EIF3B: variants seen among roughly 807,000 people sequenced by gnomAD.
The protein encoded by EIF3B is eukaryotic translation initiation factor 3 subunit B.
In EIF3B, 10 loss-of-function variants were observed where a neutral mutation model predicts 104.6. The ratio of observed to expected loss-of-function variants is 0.10; its 90% CI spans 0.06 to 0.16. The LOEUF (loss-of-function observed/expected upper bound fraction) is 0.16. EIF3B is among the 10% of genes least tolerant of loss of function. The pLI is 1.00. For missense variants in EIF3B, 1,014 were observed against 1,087.9 expected (o/e 0.93, Z 0.96); for synonymous variants, 542 against 417.2 (o/e 1.30, Z -3.65).
intron 9 of EIF3B, among the ~76,000 whole-genome samples, chr7:2,367,982 G>A (rs560324467): frequency 4.0e-5 from 6 of 151,540 alleles, no homozygotes; most frequent in African/African-American, 1.5e-4. Context: ...AGCTGGGACT[G>A]CAGGTGCCTG....
intron 1 of EIF3B, among the ~76,000 whole-genome samples, chr7:2,355,805 C>T (rs186930740): frequency 2.0e-5 from 3 of 152,188 alleles, no homozygotes; most frequent in East Asian, 1.9e-4. Flanking sequence ...GTCTACGTGT[C>T]CCCAGAGCTG....
intron 1 of EIF3B, among the ~76,000 whole-genome samples, chr7:2,357,678 TTC>T (rs1463629524): frequency 6.6e-6 from 1 of 152,236 alleles, no homozygotes; most frequent in Non-Finnish European, 1.5e-5. Context: ...AATTGTTCTC[TTC>T]TGTTTTTCCT....
In EIF3B at chr7:2,364,519, C is replaced by A; in HGVS notation, c.1147C>A (p.Pro383Thr). The A allele has an allele frequency of 6.2e-7, 1 of 1,612,308 alleles. No homozygotes were observed. Among genetic ancestry groups the A allele is most frequent in the Non-Finnish European group, 8.5e-7 (1 of 1,179,412 alleles). ...AGGGGTTCAGCTTATTGACTTCTCA[C>A]CTTGTGAAAGGTAAGCTGCTAGAAA... ...HQGVQLIDFS[P>T]CERYLVTFSP... Residue 383 changes from proline (P) to threonine (T), a missense_variant, in exon 6 of 19, where the codon CCT (proline) becomes ACT (threonine). Transcript: ENST00000360876.
chr7:2,361,000 C>G, intron 2 of EIF3B, 98 bp downstream of exon 2: 1 of 1,027,370 alleles, frequency 9.7e-7, no homozygotes, highest in East Asian at 2.6e-5. Context: ...CCTGCCTTGC[C>G]CAGGCACGTG....
chr7:2,368,195 T>C (rs543236289), intron 9 of EIF3B, among the ~76,000 whole-genome samples: 5 of 152,076 alleles, frequency 3.3e-5, no homozygotes, highest in African/African-American at 1.2e-4. Context: ...CAGGCTGGAG[T>C]ACAGTGGCGT....
chr7:2,377,216 AG>A (rs1780683559), intron 15 of EIF3B, 141 bp downstream of exon 15: 2 of 1,152,152 alleles, frequency 1.7e-6, no homozygotes, highest in Middle Eastern at 2.0e-4. Flanking sequence ...GAAGAGACGC[AG>A]GAACAGTGAG....
chr7:2,379,120 A>C lies in EIF3B; in HGVS notation c.2233-14A>C, dbSNP rs2115345403. 5.0e-6 allele frequency: 8 copies of C among 1,612,306 alleles called. No individual in the cohort carries two copies. In the South Asian group the frequency reaches 8.8e-5, roughly 18 times the overall value. On this transcript the variant is annotated splice_polypyrimidine_tract_variant and intron_variant, in intron 16 of 18. Transcript: ENST00000360876. ...GTCTTACCAGTTCTGTGCTTTCCCCAACCTCATGCATAGGAATTGGTGGAG... is the reference window on the plus strand; with the variant it reads ...GTCTTACCAGTTCTGTGCTTTCCCCCACCTCATGCATAGGAATTGGTGGAG...
intron 13 of EIF3B, 36 bp downstream of exon 13, chr7:2,374,642 A>G (rs1238268269): frequency 6.3e-7 from 1 of 1,594,850 alleles, no homozygotes; most frequent in South Asian, 1.1e-5. Context: ...CCGCCCTGTG[A>G]GTAGCGCTCT....
chr7:2,376,916 C>T (rs764163767), intron 14 of EIF3B, 34 bp from the exon 15 acceptor site: 7 of 1,600,492 alleles, frequency 4.4e-6, no homozygotes, highest in South Asian at 1.1e-5. Flanking sequence ...TCTCTGACCC[C>T]TCTGTGTCCT....
rs1780364177 is a variant in EIF3B, at chr7:2,371,939, A to C, written c.1687+90A>C. On this transcript the variant is annotated intron_variant, in intron 11 of 18. Transcript: ENST00000360876. ...ACACTTCCATGCGAGGGGTTGTCTG[A>C]GCAGCTGAGTCAGGACTGTGAGCCC... is the stretch of plus-strand genomic sequence containing the variant. 4.8e-6 allele frequency: 5 copies of C among 1,052,030 alleles called. No individual in the cohort carries two copies. In the South Asian group the frequency reaches 6.4e-5, roughly 13 times the overall value. 65.2% of individuals were successfully genotyped at this position (1,052,030 alleles called of 1,614,324 possible). A position where few individuals can be genotyped will look rare whatever the true frequency, so the allele number is the denominator to read the frequency against.
At chr7:2,367,437 G>A (rs1351132715) in intron 9 of EIF3B, among the ~76,000 whole-genome samples, 2 of 152,014 alleles carry the variant, frequency 1.3e-5, no homozygotes, top group Non-Finnish European at 2.9e-5. Flanking sequence ...ATTGCAGTTG[G>A]TTTCCTTTAT....
At chr7:2,367,659 G>A (rs1780097015) in intron 9 of EIF3B, among the ~76,000 whole-genome samples, 1 of 151,716 alleles carries the variant, frequency 6.6e-6, no homozygotes, top group Non-Finnish European at 1.5e-5. Context: ...TAGTAGGGAT[G>A]GGGTTTCACC....
rs926169577 is a variant in EIF3B, at chr7:2,380,615, C to T, written c.*426C>T. ...CGTTGAAGGACTTGCATCCCCATTG[C>T]GGGCAGTGCTGGACGTGTCCCGGAG... is the stretch of plus-strand genomic sequence containing the variant. On this transcript the variant is annotated 3_prime_UTR_variant, in exon 19 of 19. Coordinates refer to ENST00000360876, the MANE Select transcript of EIF3B (RefSeq NM_001037283.2). 2.7e-5 allele frequency: 9 copies of T among 334,954 alleles called. No homozygotes were observed. The highest frequency in any genetic ancestry group is 1.1e-4 in the South Asian group (5 of 44,424). 20.7% of individuals were successfully genotyped at this position (334,954 alleles called of 1,614,324 possible).
At position 2,362,693 on chromosome 7, in the gene EIF3B, G is replaced by C. The variant is rs200969617; in HGVS notation, c.741G>C (p.Val247=). 1 of 1,614,128 alleles carries C rather than the reference G, an allele frequency of 6.2e-7. No individual in the cohort carries two copies. Among genetic ancestry groups the C allele is most frequent in the East Asian group, 2.2e-5 (1 of 44,896 alleles). ...CCCCTGCCCACGCTGTGGATGCTGTGAAGAACGCCGACGGCTACAAGCTTG... is the reference window on the plus strand; with the variant it reads ...CCCCTGCCCACGCTGTGGATGCTGTCAAGAACGCCGACGGCTACAAGCTTG... The part of the protein sequence containing the change: ...YASPAHAVDA[V]KNADGYKLDK... Residue 247 remains valine (V), a synonymous_variant, in exon 3 of 19, where the codon GTG becomes GTC. Coordinates refer to ENST00000360876, the MANE Select transcript of EIF3B (RefSeq NM_001037283.2).
chr7:2,361,724 G>C (rs970685008), intron 2 of EIF3B, among the ~76,000 whole-genome samples: 1 of 151,882 alleles, frequency 6.6e-6, no homozygotes, highest in African/African-American at 2.4e-5. Flanking sequence ...CGGCCTCTCT[G>C]AGCTTCTTTC....
At chr7:2,368,827 C>T (rs1342261340) in intron 9 of EIF3B, among the ~76,000 whole-genome samples, 2 of 152,232 alleles carry the variant, frequency 1.3e-5, no homozygotes, top group East Asian at 3.8e-4. Context: ...GAACTTCCAA[C>T]AATCCAAGGA....
At position 2,357,227 on chromosome 7, in the gene EIF3B, C is replaced by A. The variant is rs184947238; in HGVS notation, c.499+1807C>A. Among the ~76,000 whole-genome samples, 3 of 152,238 alleles carry A rather than the reference C, an allele frequency of 2.0e-5. No homozygotes were observed. In the South Asian group the frequency reaches 6.2e-4, roughly 32 times the overall value. ...GAAGAGTCAGAGGATGCTAATATGACGACAGGGTTGGCCAGGCTGGGTGAC... is the reference window on the plus strand; with the variant it reads ...GAAGAGTCAGAGGATGCTAATATGAAGACAGGGTTGGCCAGGCTGGGTGAC... On this transcript the variant is annotated intron_variant, in intron 1 of 18. Coordinates refer to ENST00000360876, the MANE Select transcript of EIF3B (RefSeq NM_001037283.2).
In EIF3B at chr7:2,369,492, G is replaced by T. The variant is rs1188968633; in HGVS notation, c.1424G>T (p.Gly475Val). 3 of 1,614,028 alleles carry T rather than the reference G, an allele frequency of 1.9e-6. No homozygotes were observed. The highest frequency in any genetic ancestry group is 1.3e-5 in the African/African-American group (1 of 74,894). Residue 475 changes from glycine (G) to valine (V), a missense_variant, in exon 10 of 19, where the codon GGT (glycine) becomes GTT (valine). Coordinates refer to ENST00000360876, the MANE Select transcript of EIF3B (RefSeq NM_001037283.2). Reference protein sequence around the residue: ...SGIKDFSWSPGGNIIAFWVPE... With the variant: ...SGIKDFSWSPVGNIIAFWVPE... Reference sequence around the variant, plus strand: ...TGCAGAGACTTTTCTTGGTCTCCTGGTGGTAACATAATCGCCTTCTGGGTG... The same window carrying T: ...TGCAGAGACTTTTCTTGGTCTCCTGTTGGTAACATAATCGCCTTCTGGGTG...
intron 12 of EIF3B, chr7:2,373,052 A>G (rs947529166): frequency 1.9e-5 from 6 of 320,404 alleles, no homozygotes; most frequent in African/African-American, 1.3e-4. Context: ...CTCTGCCATC[A>G]TCTCAAGTGA....
Sources: allele counts gnomAD v4.1 joint callset (sites outside exome capture counted in the v4.1 genomes callset), GRCh38; gene constraint gnomAD v4.1.1; transcripts MANE v1.5; gene names NCBI Gene and HGNC (gene_info 2026-07-23, HGNC 2026-07-21).